The following ARID5A variants were observed in gnomAD, a reference collection of about 807,000 sequenced individuals.
ARID5A encodes the protein AT-rich interactive domain-containing protein 5A.
Under a neutral mutation model 30.5 loss-of-function variants are expected in ARID5A, and 14 were observed. The ratio of observed to expected loss-of-function variants is 0.46; its 90% CI spans 0.30 to 0.72. The LOEUF (loss-of-function observed/expected upper bound fraction) is 0.72. Ranked by LOEUF, ARID5A falls within the 30% of genes least tolerant of loss-of-function variation. The probability of loss-of-function intolerance (pLI) is 0.07; values close to 1 mark genes in which losing one functional copy is unlikely to be tolerated. For missense variants in ARID5A, 669 were observed against 786.2 expected, an observed-to-expected ratio of 0.85 and a Z score of 1.78; for synonymous variants, 338 against 340.4, an observed-to-expected ratio of 0.99 and a Z score of 0.08.
intron 2 of ARID5A, among the ~76,000 whole-genome samples, chr2:96,548,600 C>T (rs1262287235): frequency 6.6e-6 from 1 of 152,204 alleles, no homozygotes; most frequent in Non-Finnish European, 1.5e-5. Flanking sequence ...ACATGGCTGT[C>T]TGCGCTGTCC....
intron 1 of ARID5A, among the ~76,000 whole-genome samples, chr2:96,543,122 G>A (rs1573187706): frequency 6.6e-6 from 1 of 152,302 alleles, no homozygotes; most frequent in East Asian, 1.9e-4. Context: ...CCTTAGGACT[G>A]GTTTCTCTCC....
intron 1 of ARID5A, chr2:96,538,171 A>T: frequency 1.0e-6 from 1 of 985,342 alleles, no homozygotes; most frequent in Non-Finnish European, 1.2e-6. Flanking sequence ...GTCAACTGGC[A>T]CCTCTGAGCC....
In ARID5A at chr2:96,550,341, G is replaced by A. The variant is rs906400595; in HGVS notation, c.410+56G>A. 3 of 1,422,412 alleles carry A rather than the reference G, an allele frequency of 2.1e-6. No individual in the cohort carries two copies. The highest frequency in any genetic ancestry group is 1.8e-6 in the Non-Finnish European group (2 of 1,095,728). The allele number at this position is 1,422,412 out of a possible 1,614,324, so 88.1% of individuals were successfully genotyped here. On this transcript the variant is annotated intron_variant, in intron 5 of 6. Coordinates refer to ENST00000357485, the MANE Select transcript of ARID5A (RefSeq NM_212481.3). This position sits in a 1 kb window ranked among gnomAD's most constrained non-coding sequence, Gnocchi z 6.6. ...CCGCCTACCCTGCGGGGCTTTGGCC[G>A]ACCTTGCCGGGAGGGCCGGGTGGAC...
chr2:96,548,912 G>T (rs957428316), intron 2 of ARID5A, among the ~76,000 whole-genome samples: 1 of 152,226 alleles, frequency 6.6e-6, no homozygotes, highest in African/African-American at 2.4e-5. Flanking sequence ...TTTTCCCTCT[G>T]CGGTTATGGG....
chr2:96,547,090 C>T (rs2065941598), intron 1 of ARID5A, among the ~76,000 whole-genome samples: 3 of 150,450 alleles, frequency 2.0e-5, no homozygotes, highest in Non-Finnish European at 4.4e-5. Context: ...GGAGGAGGGC[C>T]TGTGTGTGTG....
At chr2:96,547,074 G>A (rs1022819360) in intron 1 of ARID5A, among the ~76,000 whole-genome samples, 8 of 152,150 alleles carry the variant, frequency 5.3e-5, no homozygotes, top group Non-Finnish European at 8.8e-5. Flanking sequence ...GGTTGTCGGG[G>A]AGCGGGGAGG....
intron 2 of ARID5A, among the ~76,000 whole-genome samples, chr2:96,548,029 A>T (rs2065959469): frequency 6.6e-6 from 1 of 152,214 alleles, no homozygotes; most frequent in Non-Finnish European, 1.5e-5. Context: ...GCAGCTTGCC[A>T]GGAATTCAGA....
chr2:96,548,063 G>C (rs140201613), intron 2 of ARID5A, among the ~76,000 whole-genome samples: 14 of 152,310 alleles, frequency 9.2e-5, no homozygotes, highest in African/African-American at 3.4e-4. Flanking sequence ...GGAGCAGATT[G>C]ACTTGAGCAG....
chr2:96,541,291 C>G (rs936050946), intron 1 of ARID5A, among the ~76,000 whole-genome samples: 1 of 152,218 alleles, frequency 6.6e-6, no homozygotes, highest in African/African-American at 2.4e-5. Flanking sequence ...CCGCCTCGGC[C>G]TCCCAAAGTG....
At chr2:96,545,730 T>C (rs2464915) in intron 1 of ARID5A, among the ~76,000 whole-genome samples, 65,367 of 151,108 alleles carry the variant, frequency 0.43, 15,176 homozygotes, top group African/African-American at 0.61. Context: ...CCGAGGTGGG[T>C]GGATCATGAG....
Position 96,537,775 on chromosome 2 carries a change from A to C in ARID5A, c.4+945A>C. ...GGGTCGCCCGGGCTGGGGTCGCGTC[A>C]CCCTCCGCCCAGCGCCGGCGTGGTG... On this transcript the variant is annotated intron_variant, in intron 1 of 6. Transcript: ENST00000357485. The surrounding 1 kb of genome is among the most constrained non-coding windows in gnomAD (Gnocchi z 4.8). The C allele has an allele frequency of 1.2e-6, 1 of 835,904 alleles. No homozygotes were observed. Among genetic ancestry groups the C allele is most frequent in the Non-Finnish European group, 1.4e-6 (1 of 693,868 alleles). 51.8% of individuals were successfully genotyped at this position (835,904 alleles called of 1,614,324 possible).
At chr2:96,540,391 C>T (rs2065825025) in intron 1 of ARID5A, among the ~76,000 whole-genome samples, 1 of 152,224 alleles carries the variant, frequency 6.6e-6, no homozygotes, top group African/African-American at 2.4e-5. Flanking sequence ...GGGACTGGGT[C>T]ACTAGGAGCC....
chr2:96,537,260 T>A lies in ARID5A; in HGVS notation c.4+430T>A, dbSNP rs1208062409. On this transcript the variant is annotated intron_variant, in intron 1 of 6. Transcript: ENST00000357485. The surrounding 1 kb of genome is among the most constrained non-coding windows in gnomAD (Gnocchi z 4.8). ...TGTCGGCAGCCGCCCCTCCGCCCCG[T>A]GACATCCCGCAGGTTTCAGAACCGC... 2 of 159,944 alleles carry A rather than the reference T, an allele frequency of 1.3e-5. No individual in the cohort carries two copies. The highest frequency in any genetic ancestry group is 4.8e-5 in the African/African-American group (2 of 41,726). The allele number at this position is 159,944 out of a possible 1,614,324, so 9.9% of individuals were successfully genotyped here. A position where few individuals can be genotyped will look rare whatever the true frequency, so the allele number is the denominator to read the frequency against.
In ARID5A at chr2:96,551,613, T is replaced by A. The variant is rs1558622194; in HGVS notation, c.1085T>A (p.Phe362Tyr). The change falls in exon 7 of 7, where the codon TTC becomes TAC. Residue 362 changes from phenylalanine to tyrosine, a missense_variant. Phe to Tyr is a conservative substitution (Grantham distance 22). Around this residue, in one of 4 missense-constraint regions of ARID5A, gnomAD observed 548 missense variants for 577.4 expected, o/e 0.95. Coordinates refer to ENST00000357485, the MANE Select transcript of ARID5A (RefSeq NM_212481.3). ...CCTGTCAGCCAGCACCCCAGGGACT[T>A]CTTCTCTAGACTTAAAGATGGGGTG... ...LKPVSQHPRD[F>Y]FSRLKDGVLL... 6.4e-7 allele frequency: 1 copy of A among 1,554,160 alleles called. No homozygotes were observed. Among genetic ancestry groups the A allele is most frequent in the East Asian group, 2.3e-5 (1 of 44,440 alleles).
At position 96,550,754 on chromosome 2, in the gene ARID5A, G is replaced by A. The variant is rs1433627525; in HGVS notation, c.570+21G>A. The A allele has an allele frequency of 2.6e-6, 4 of 1,537,818 alleles. No individual in the cohort carries two copies. Among genetic ancestry groups the A allele is most frequent in the Non-Finnish European group, 3.5e-6 (4 of 1,141,160 alleles). The stretch of plus-strand genomic sequence containing the variant: ...ACCAGGTAGGCCTGCGGCTGGCTGG[G>A]GCCACCCTGTCCCTTGCCTCTTGTA... On this transcript the variant is annotated intron_variant, in intron 6 of 6. Coordinates refer to ENST00000357485, the MANE Select transcript of ARID5A (RefSeq NM_212481.3). The surrounding 1 kb of genome is among the most constrained non-coding windows in gnomAD (Gnocchi z 6.6).
At position 96,552,011 on chromosome 2, in the gene ARID5A, G is replaced by C. The variant is rs1316841328; in HGVS notation, c.1483G>C (p.Val495Leu). 6.6e-7 allele frequency: 1 copy of C among 1,524,046 alleles called. No individual in the cohort carries two copies. Among genetic ancestry groups the C allele is most frequent in the Middle Eastern group, 1.8e-4 (1 of 5,634 alleles). The allele number at this position is 1,524,046 out of a possible 1,614,324, so 94.4% of individuals were successfully genotyped here. Residue 495 changes from valine (V) to leucine (L), a missense_variant, in exon 7 of 7, where the codon GTG (valine) becomes CTG (leucine). Val to Leu is a conservative substitution (Grantham distance 32, BLOSUM62 1). Coordinates refer to ENST00000357485, the MANE Select transcript of ARID5A (RefSeq NM_212481.3). ...SCLLGPALGP[V>L]PPEAYRGTML... ...CCTTCTGGGCCCAGCCCTGGGGCCTGTGCCCCCAGAGGCCTACAGGGGCAC... is the reference window on the plus strand; with the variant it reads ...CCTTCTGGGCCCAGCCCTGGGGCCTCTGCCCCCAGAGGCCTACAGGGGCAC...
rs1170866350 is a variant in ARID5A, at chr2:96,549,545, G to T, written c.259+86G>T. 6.4e-7 allele frequency: 1 copy of T among 1,558,594 alleles called. No homozygotes were observed. The highest frequency in any genetic ancestry group is 1.4e-5 in the African/African-American group (1 of 73,378). ...CATCGGGCAGGCACTCCCACTCTGG[G>T]TGACCCAGGTTGCAGATAGAAAGGA... On this transcript the variant is annotated intron_variant, in intron 3 of 6. Transcript: ENST00000357485. The surrounding 1 kb of genome is among the most constrained non-coding windows in gnomAD (Gnocchi z 6.1).
Position 96,551,299 on chromosome 2 carries a change from A to G in ARID5A, c.771A>G (p.Pro257=), listed in dbSNP as rs373575366. 1 of 1,613,838 alleles carries G rather than the reference A, an allele frequency of 6.2e-7. No individual in the cohort carries two copies. The highest frequency in any genetic ancestry group is 8.5e-7 in the Non-Finnish European group (1 of 1,180,018). ...YCKGTHGIMS[P]LAKKKLLAQV... ...AGGGGACACACGGCATCATGTCACC[A>G]CTGGCCAAAAAGAAGCTCCTGGCCC... The change falls in exon 7 of 7, where the codon CCA becomes CCG. Residue 257 remains proline, a synonymous_variant. Coordinates refer to ENST00000357485, the MANE Select transcript of ARID5A (RefSeq NM_212481.3).
chr2:96,551,711 C>A lies in ARID5A; in HGVS notation c.1183C>A (p.Arg395Ser), dbSNP rs776386275. The A allele has an allele frequency of 4.6e-6, 7 of 1,518,990 alleles. No homozygotes were observed. The Admixed American group carries it at 1.1e-4, about 25-fold the overall frequency. The allele number at this position is 1,518,990 out of a possible 1,614,324, so 94.1% of individuals were successfully genotyped here. A position where few individuals can be genotyped will look rare whatever the true frequency, so the allele number is the denominator to read the frequency against. ...PQLVWGGDAN[R>S]PSAFHKGGSR... The stretch of plus-strand genomic sequence containing the variant: ...GCTGGTGTGGGGCGGAGACGCTAAC[C>A]GCCCTTCTGCGTTCCATAAAGGTGG... The change falls in exon 7 of 7, where the codon CGC (arginine) becomes AGC (serine). Residue 395 changes from arginine (R) to serine (S), a missense_variant. Physicochemically the swap from Arg to Ser is moderately radical, Grantham distance 110. This residue lies in a region of ARID5A where 548 missense variants were observed against 577.4 expected (regional missense o/e 0.95). Coordinates refer to ENST00000357485, the MANE Select transcript of ARID5A (RefSeq NM_212481.3).
Sources: gnomAD v4.1 joint callset for allele counts (sites outside exome capture counted in the v4.1 genomes callset) on GRCh38, gnomAD v4.1.1 for gene constraint, gnomAD v4.1.1 regional missense constraint, Gnocchi (gnomAD v3.1) non-coding constraint, MANE v1.5 for transcripts, NCBI Gene and HGNC (gene_info 2026-07-23, HGNC 2026-07-21) for gene names.